KIAA1217: variants seen among roughly 807,000 people sequenced by gnomAD.
The protein encoded by KIAA1217 is sickle tail protein homolog.
Under a neutral mutation model 163.9 loss-of-function variants are expected in KIAA1217, and 88 were observed. That is an observed-to-expected ratio of 0.54 (90% CI 0.45 to 0.64). KIAA1217 has a LOEUF of 0.64. Ranked by LOEUF, KIAA1217 falls within the 30% of genes least tolerant of loss-of-function variation. The pLI is 0.00. For missense variants in KIAA1217, 2,372 were observed against 2,475.0 expected (o/e 0.96, Z 0.88); for synonymous variants, 903 against 923.1 (o/e 0.98, Z 0.39).
At position 24,543,192 on chromosome 10, in the gene KIAA1217, G is replaced by A; in HGVS notation, c.3922G>A (p.Glu1308Lys). ...NQTLNYGKTK[E>K]MEKQNTDKCH... ...GACGCTGAATTACGGAAAGACAAAGGAGATGGAAAAGCAAAATACGGATAA... is the reference window on the plus strand; with the variant it reads ...GACGCTGAATTACGGAAAGACAAAGAAGATGGAAAAGCAAAATACGGATAA... Residue 1308 changes from glutamate (E) to lysine (K), a missense_variant, in exon 19 of 21, where the codon GAG (glutamate) becomes AAG (lysine). Around this residue, in one of 3 missense-constraint regions of KIAA1217, gnomAD observed 251 missense variants for 327.3 expected, o/e 0.77. Coordinates refer to ENST00000376454, the MANE Select transcript of KIAA1217 (RefSeq NM_019590.5). 4 of 1,613,338 alleles carry A rather than the reference G, an allele frequency of 2.5e-6. No homozygotes were observed. Among genetic ancestry groups the A allele is most frequent in the Non-Finnish European group, 3.4e-6 (4 of 1,179,938 alleles).
Position 24,492,430 on chromosome 10 carries a change from G to A in KIAA1217, c.1680-2070G>A, listed in dbSNP as rs562200297. ...CCTGGAAACATTTGCAAATCACTCCGTGGAGATATATTTCCACACTCACCG... is the reference window on the plus strand; with the variant it reads ...CCTGGAAACATTTGCAAATCACTCCATGGAGATATATTTCCACACTCACCG... On this transcript the variant is annotated intron_variant, in intron 6 of 20. Transcript: ENST00000376454. Among the ~76,000 whole-genome samples the A allele has an allele frequency of 1.8e-3, 277 of 152,292 alleles. 3 individuals carry two copies. The highest frequency in any genetic ancestry group is 6.1e-3 in the African/African-American group (252 of 41,564).
intron 1 of KIAA1217, among the ~76,000 whole-genome samples, chr10:23,891,504 T>A (rs1269868370): frequency 6.6e-6 from 1 of 151,944 alleles, no homozygotes; most frequent in Non-Finnish European, 1.5e-5. Context: ...TTCAGCAACC[T>A]CATACCCTGA....
chr10:24,254,344 T>C (rs943541837), intron 2 of KIAA1217, among the ~76,000 whole-genome samples: 2 of 152,252 alleles, frequency 1.3e-5, no homozygotes, highest in Non-Finnish European at 2.9e-5. Flanking sequence ...TGCTGGGATA[T>C]GGGATATGAG....
chr10:23,730,250 T>C (rs1287227679), intron 1 of KIAA1217, among the ~76,000 whole-genome samples: 2 of 152,226 alleles, frequency 1.3e-5, no homozygotes, highest in Non-Finnish European at 2.9e-5. Context: ...AGATTCTTTT[T>C]TTTTCTTGCA....
At chr10:23,968,902 C>T (rs1845182470) in intron 1 of KIAA1217, among the ~76,000 whole-genome samples, 1 of 152,208 alleles carries the variant, frequency 6.6e-6, no homozygotes, top group South Asian at 2.1e-4. Flanking sequence ...ATTACTTCTC[C>T]TATTTGACCA....
intron 10 of KIAA1217, among the ~76,000 whole-genome samples, chr10:24,515,398 T>C (rs2069944654): frequency 1.3e-5 from 2 of 152,188 alleles, no homozygotes; most frequent in Admixed American, 6.5e-5. Context: ...AAATTGTGTT[T>C]ATTGGTTAGC....
At chr10:24,347,939 T>A (rs957794614) in intron 2 of KIAA1217, among the ~76,000 whole-genome samples, 7 of 152,372 alleles carry the variant, frequency 4.6e-5, no homozygotes, top group African/African-American at 1.7e-4. Flanking sequence ...TTAAGGTGAA[T>A]TAATGGAATG....
At chr10:23,920,988 C>CT (rs1465272954) in intron 1 of KIAA1217, among the ~76,000 whole-genome samples, 7 of 152,186 alleles carry the variant, frequency 4.6e-5, no homozygotes, top group Admixed American at 4.6e-4. Context: ...TTTGTTCCTC[C>CT]TTTGCCTTCT....
intron 1 of KIAA1217, among the ~76,000 whole-genome samples, chr10:23,994,026 G>A (rs989838656): frequency 6.6e-6 from 1 of 152,192 alleles, no homozygotes; most frequent in Non-Finnish European, 1.5e-5. Flanking sequence ...CAGTGGATGG[G>A]ATAGCAAGTA....
At chr10:23,873,929 G>T (rs1840573300) in intron 1 of KIAA1217, among the ~76,000 whole-genome samples, 1 of 152,038 alleles carries the variant, frequency 6.6e-6, no homozygotes, top group Non-Finnish European at 1.5e-5. Context: ...AAGTGAAGTG[G>T]CATGTGTCAT....
intron 2 of KIAA1217, among the ~76,000 whole-genome samples, chr10:24,203,530 T>C (rs935083240): frequency 2.0e-5 from 3 of 152,004 alleles, no homozygotes; most frequent in Middle Eastern, 3.2e-3. Flanking sequence ...ACTTGATTGG[T>C]TCCCCTTCCT....
intron 1 of KIAA1217, among the ~76,000 whole-genome samples, chr10:23,728,114 G>A (rs535499791): frequency 6.6e-6 from 1 of 152,226 alleles, no homozygotes; most frequent in South Asian, 2.1e-4. Context: ...ACATACATGT[G>A]CGTGTATCTT....
At chr10:23,929,250 C>T (rs573064248) in intron 1 of KIAA1217, among the ~76,000 whole-genome samples, 2 of 152,092 alleles carry the variant, frequency 1.3e-5, no homozygotes, top group Non-Finnish European at 2.9e-5. Flanking sequence ...GGCTAACCAC[C>T]ACAAAGTCTG....
At chr10:23,876,895 G>A (rs193165911) in intron 1 of KIAA1217, among the ~76,000 whole-genome samples, 13 of 152,044 alleles carry the variant, frequency 8.6e-5, no homozygotes, top group African/African-American at 1.2e-4. Context: ...CGAAGAGTTC[G>A]GTTTAGGGTG....
At chr10:24,190,659 G>A (rs757077965) in intron 2 of KIAA1217, among the ~76,000 whole-genome samples, 17 of 152,082 alleles carry the variant, frequency 1.1e-4, no homozygotes, top group Non-Finnish European at 1.8e-4. Context: ...GAATTAGGAC[G>A]AGCCATGGAG....
At chr10:24,527,369 A>G (rs1416485919) in intron 13 of KIAA1217, among the ~76,000 whole-genome samples, 1 of 143,396 alleles carries the variant, frequency 7.0e-6, no homozygotes, top group African/African-American at 2.5e-5. Context: ...GATTATAGGC[A>G]TGAGCCACCA....
At chr10:24,030,373 C>G (rs542362905) in intron 2 of KIAA1217, among the ~76,000 whole-genome samples, 1 of 151,968 alleles carries the variant, frequency 6.6e-6, no homozygotes, top group Non-Finnish European at 1.5e-5. Context: ...CTCATGAGAT[C>G]TAATGATTTA....
intron 3 of KIAA1217, among the ~76,000 whole-genome samples, chr10:24,384,397 C>G (rs537599744): frequency 4.6e-5 from 7 of 152,234 alleles, no homozygotes; most frequent in East Asian, 1.9e-4. Context: ...ACAGCCTCCC[C>G]CATGATCAGC....
chr10:23,846,110 T>C (rs779090836), intron 1 of KIAA1217, among the ~76,000 whole-genome samples: 7 of 152,212 alleles, frequency 4.6e-5, no homozygotes, highest in Non-Finnish European at 8.8e-5. Flanking sequence ...TTGGTACCAG[T>C]ACCATGCTGT....
Sources: gnomAD v4.1 joint callset for allele counts (sites outside exome capture counted in the v4.1 genomes callset) on GRCh38, gnomAD v4.1.1 for gene constraint, gnomAD v4.1.1 regional missense constraint, MANE v1.5 for transcripts, NCBI Gene and HGNC (gene_info 2026-07-23, HGNC 2026-07-21) for gene names.